PAWR: variants seen among roughly 807,000 people sequenced by gnomAD.
PAWR encodes the protein pro-apoptotic WT1 regulator, also known as PRKC apoptosis WT1 regulator protein.
In PAWR, 23 loss-of-function variants were observed where a neutral mutation model predicts 32.0. The observed-to-expected ratio is 0.72, with a 90% CI of 0.52 to 1.02. The LOEUF is 1.02. Ranked by LOEUF, PAWR falls within the 50% of genes least tolerant of loss-of-function variation. The pLI, the probability that PAWR is intolerant of heterozygous loss-of-function variation, is 0.00. For missense variants in PAWR, 457 were observed against 437.7 expected, an observed-to-expected ratio of 1.04 and a Z score of -0.39; for synonymous variants, 226 against 187.1, an observed-to-expected ratio of 1.21 and a Z score of -1.70.
chr12:79,625,617 C>G (rs1168426548), intron 2 of PAWR, among the ~76,000 whole-genome samples: 1 of 152,004 alleles, frequency 6.6e-6, no homozygotes, highest in Non-Finnish European at 1.5e-5. Context: ...ATCAGGAGAT[C>G]TACAAAACAT....
intron 3 of PAWR, among the ~76,000 whole-genome samples, chr12:79,617,594 T>C (rs1241096270): frequency 6.6e-6 from 1 of 152,162 alleles, no homozygotes; most frequent in East Asian, 1.9e-4. Context: ...AAAGGTCCCT[T>C]ATAATTTTTT....
At chr12:79,668,949 C>T (rs1359307414) in intron 2 of PAWR, among the ~76,000 whole-genome samples, 3 of 152,216 alleles carry the variant, frequency 2.0e-5, no homozygotes, top group African/African-American at 4.8e-5. Context: ...CATATTTACA[C>T]ACATGCACTT....
intron 2 of PAWR, among the ~76,000 whole-genome samples, chr12:79,631,204 T>C (rs541612220): frequency 2.0e-5 from 3 of 152,312 alleles, no homozygotes; most frequent in Non-Finnish European, 4.4e-5. Context: ...ACATCACATT[T>C]AGTGGTAAAA....
chr12:79,642,436 A>G (rs1476294191), intron 2 of PAWR, among the ~76,000 whole-genome samples: 1 of 152,220 alleles, frequency 6.6e-6, no homozygotes, highest in Non-Finnish European at 1.5e-5. Context: ...GGTGGGTTAC[A>G]TCACAGAATT....
At chr12:79,604,824 A>G in intron 4 of PAWR, 1 of 410,464 alleles carries the variant, frequency 2.4e-6, no homozygotes, top group South Asian at 2.9e-5. Context: ...AAATTGATAC[A>G]TATTTATTAT....
At chr12:79,626,400 C>G (rs1875321138) in intron 2 of PAWR, among the ~76,000 whole-genome samples, 1 of 149,066 alleles carries the variant, frequency 6.7e-6, no homozygotes, top group South Asian at 2.1e-4. Context: ...GCTGGGACTA[C>G]AGGCGCCCAC....
At chr12:79,676,025 G>C (rs1878148195) in intron 2 of PAWR, among the ~76,000 whole-genome samples, 1 of 150,598 alleles carries the variant, frequency 6.6e-6, no homozygotes, top group Non-Finnish European at 1.5e-5. Flanking sequence ...GTTGGAAACA[G>C]AGGAAAAAAA....
At chr12:79,689,525 T>C (rs1241285324) in intron 2 of PAWR, among the ~76,000 whole-genome samples, 3 of 152,192 alleles carry the variant, frequency 2.0e-5, no homozygotes. Flanking sequence ...GAAAAGCACG[T>C]GTCCTACTCT....
intron 2 of PAWR, among the ~76,000 whole-genome samples, chr12:79,651,657 C>T (rs929924915): frequency 2.1e-5 from 3 of 140,000 alleles, no homozygotes; most frequent in Non-Finnish European, 4.6e-5. Context: ...GGGAGGATTG[C>T]TCGAGCCTAG....
chr12:79,654,855 G>A (rs920517411), intron 2 of PAWR, among the ~76,000 whole-genome samples: 2 of 152,126 alleles, frequency 1.3e-5, no homozygotes, highest in African/African-American at 4.8e-5. Context: ...TCTAAACATG[G>A]TGATTACAAT....
At chr12:79,670,304 T>C (rs1436851071) in intron 2 of PAWR, among the ~76,000 whole-genome samples, 2 of 152,286 alleles carry the variant, frequency 1.3e-5, no homozygotes, top group African/African-American at 2.4e-5. Flanking sequence ...GGTTGGTTGG[T>C]TGAATTGTAT....
intron 2 of PAWR, chr12:79,632,288 A>AAT (rs1875670953): frequency 1.1e-5 from 1 of 88,976 alleles, no homozygotes; most frequent in African/African-American, 9.8e-5. Context: ...CAGAAATAGA[A>AAT]ATATATACAT....
At chr12:79,603,707 C>T (rs1298714085) in intron 4 of PAWR, 4 of 105,136 alleles carry the variant, frequency 3.8e-5, no homozygotes, top group African/African-American at 3.8e-5. Flanking sequence ...GACAGAGTTT[C>T]GCTCCTGTTG....
At position 79,587,709 on chromosome 12, in the gene PAWR, C is replaced by G. The variant is rs1234759587; in HGVS notation, c.*4898G>C. On this transcript the variant is annotated 3_prime_UTR_variant, in exon 7 of 7. Coordinates refer to ENST00000328827, the MANE Select transcript of PAWR (RefSeq NM_002583.4). ...CTGTAAGAGGTACATAATTAGATTA[C>G]CAGCATTATCCTTTAGCTTCAAAAG... 6.6e-6 allele frequency: 1 copy of G among 151,788 alleles called. No individual in the cohort carries two copies. The highest frequency in any genetic ancestry group is 6.6e-5 in the Admixed American group (1 of 15,234). The allele number at this position is 151,788 out of a possible 1,614,324, so 9.4% of individuals were successfully genotyped here.
chr12:79,629,205 A>G (rs574314278), intron 2 of PAWR, among the ~76,000 whole-genome samples: 82 of 152,256 alleles, frequency 5.4e-4, no homozygotes, highest in Non-Finnish European at 9.4e-4. Flanking sequence ...GAAAGGCAGA[A>G]GTTATAATAA....
intron 3 of PAWR, among the ~76,000 whole-genome samples, chr12:79,616,506 AATAGAG>A (rs1371857674): frequency 1.3e-5 from 2 of 152,184 alleles, no homozygotes; most frequent in Non-Finnish European, 2.9e-5. Context: ...AACTTAGAGT[AATAGAG>A]ATATAGAGTA....
Position 79,689,921 on chromosome 12 carries a change from C to T in PAWR, c.324G>A (p.Ser108=). The change falls in exon 2 of 7, where the codon TCG becomes TCA. Residue 108 remains serine (S), a synonymous_variant. Transcript: ENST00000328827. ...LTRAAPGPRR[S]EDEPPAASAS... is the part of the protein sequence containing the mutation. The stretch of plus-strand genomic sequence containing the variant: ...CAGAGGCGGCTGGGGGCTCGTCCTC[C>T]GACCGCCGCGGGCCGGGGGCCGCCC... The T allele has an allele frequency of 1.4e-6, 2 of 1,426,262 alleles. No homozygotes were observed. Among genetic ancestry groups the T allele is most frequent in the African/African-American group, 1.5e-5 (1 of 66,468 alleles). The allele number at this position is 1,426,262 out of a possible 1,614,324, so 88.4% of individuals were successfully genotyped here.
At position 79,588,677 on chromosome 12, in the gene PAWR, G is replaced by T. The variant is rs1873457441; in HGVS notation, c.*3930C>A. ...GTTGGTCCATGTCCATTTATTTAAAGATTCTGTAACACCTGTAATAGTATT... is the reference window on the plus strand; with the variant it reads ...GTTGGTCCATGTCCATTTATTTAAATATTCTGTAACACCTGTAATAGTATT... On this transcript the variant is annotated 3_prime_UTR_variant, in exon 7 of 7. Transcript: ENST00000328827. 1 of 151,860 alleles carries T rather than the reference G, an allele frequency of 6.6e-6. No homozygotes were observed. The highest frequency in any genetic ancestry group is 2.4e-5 in the African/African-American group (1 of 41,372). 9.4% of individuals were successfully genotyped at this position (151,860 alleles called of 1,614,324 possible).
intron 2 of PAWR, among the ~76,000 whole-genome samples, chr12:79,627,002 A>G (rs893483198): frequency 1.3e-5 from 2 of 152,108 alleles, no homozygotes; most frequent in Admixed American, 6.6e-5. Flanking sequence ...TTGGATATTT[A>G]GGTTGGTTCC....
Sources: allele counts gnomAD v4.1 joint callset (sites outside exome capture counted in the v4.1 genomes callset), GRCh38; gene constraint gnomAD v4.1.1; transcripts MANE v1.5; gene names NCBI Gene and HGNC (gene_info 2026-07-23, HGNC 2026-07-21).